The following NPIPB2 variants were observed in gnomAD, a reference collection of about 807,000 sequenced individuals.
The protein encoded by NPIPB2 is nuclear pore complex-interacting protein family member B2.
A neutral mutation model predicts 30.8 loss-of-function variants in NPIPB2; 27 were observed. That is an observed-to-expected ratio of 0.88 (90% CI 0.65 to 1.21). NPIPB2 has a LOEUF of 1.21. Ranked by LOEUF, NPIPB2 falls within the 50% of genes most tolerant of loss-of-function variation. The pLI is 0.00. For missense variants in NPIPB2, 440 were observed against 446.2 expected (o/e 0.99, Z 0.13); for synonymous variants, 147 against 162.0 (o/e 0.91, Z 0.70).
upstream of NPIPB2, among the ~76,000 whole-genome samples, chr16:11,945,789 T>C (rs1351432707): frequency 6.6e-6 from 1 of 152,054 alleles, no homozygotes; most frequent in Non-Finnish European, 1.5e-5. Context: ...CTCTCCTCCT[T>C]CTATTCAGCC....
At chr16:11,973,298 G>A (rs1002882987) in intron 1 of NPIPB2, among the ~76,000 whole-genome samples, 3 of 151,996 alleles carry the variant, frequency 2.0e-5, no homozygotes, top group Non-Finnish European at 2.9e-5. Flanking sequence ...GAGTGCCCTT[G>A]GCCAAGAGGC....
intron 1 of NPIPB2, among the ~76,000 whole-genome samples, chr16:11,965,885 G>A (rs1394144728): frequency 6.6e-6 from 1 of 152,172 alleles, no homozygotes; most frequent in Non-Finnish European, 1.5e-5. Context: ...CGAGGTGGGT[G>A]AATCACCTGA....
At position 11,937,685 on chromosome 16, in the gene NPIPB2, T is replaced by C. The variant is rs767516470; in HGVS notation, c.64-17A>G. The C allele has an allele frequency of 1.3e-6, 2 of 1,597,642 alleles. No individual in the cohort carries two copies. Among genetic ancestry groups the C allele is most frequent in the Non-Finnish European group, 1.7e-6 (2 of 1,178,722 alleles). On this transcript the variant is annotated splice_polypyrimidine_tract_variant and intron_variant, in intron 1 of 7. Coordinates refer to ENST00000399147, the Ensembl canonical transcript of NPIPB2. ...ATTGATAACCTGGAATAATAATAGT[T>C]GAAATAATGAAAAGGTCAATGACAC... is the stretch of plus-strand genomic sequence containing the variant.
intron 1 of NPIPB2, chr16:11,965,244 T>A (rs1481473071): frequency 6.4e-7 from 1 of 1,569,084 alleles, no homozygotes; most frequent in East Asian, 2.3e-5. Flanking sequence ...CTTGCTGCAT[T>A]TGCTCTGGAA....
At chr16:11,961,465 T>G (rs1358747447) in intron 1 of NPIPB2, among the ~76,000 whole-genome samples, 1 of 152,174 alleles carries the variant, frequency 6.6e-6, no homozygotes, top group African/African-American at 2.4e-5. Context: ...GATTTTAGCA[T>G]TTATTATGGA....
intron 1 of NPIPB2, among the ~76,000 whole-genome samples, chr16:11,969,100 C>T (rs1392329998): frequency 6.6e-6 from 1 of 151,924 alleles, no homozygotes; most frequent in East Asian, 1.9e-4. Context: ...CTCCTGACCT[C>T]AGGTGATTCA....
intron 1 of NPIPB2, among the ~76,000 whole-genome samples, chr16:11,962,368 G>A (rs368699391): frequency 2.0e-5 from 3 of 151,786 alleles, no homozygotes; most frequent in African/African-American, 7.3e-5. Context: ...GCATGGTGGC[G>A]CATGCCTGTA....
upstream of NPIPB2, among the ~76,000 whole-genome samples, chr16:11,944,756 A>AC (rs2054986430): frequency 6.6e-6 from 1 of 150,604 alleles, no homozygotes; most frequent in African/African-American, 2.4e-5. Context: ...AAAAAAAAAA[A>AC]AAAACTGGAA....
At chr16:11,976,381 G>T (rs545552881) in intron 1 of NPIPB2, among the ~76,000 whole-genome samples, 57 of 152,336 alleles carry the variant, frequency 3.7e-4, no homozygotes, top group African/African-American at 1.3e-3. Context: ...CCTTAGAGAG[G>T]CCCTCCGGGA....
chr16:11,947,322 T>TTATATATATA lies in NPIPB2; in HGVS notation c.-583-5218_-583-5209dup, dbSNP rs1555509075. ...TTTATTTATTTATTTATTTATTTAT[T>TTATATATATA]TATATATATATATATTTATTTATTT... On this transcript the variant is annotated intron_variant, in intron 1 of 5. Transcript: ENST00000538896. Among the ~76,000 whole-genome samples, 6 of 119,998 alleles carry TTATATATATA rather than the reference T, an allele frequency of 5.0e-5. No homozygotes were observed. In the South Asian group the frequency reaches 1.2e-3, roughly 23 times the overall value. 78.7% of individuals were successfully genotyped at this position (119,998 alleles called of 152,430 possible).
At chr16:11,965,456 T>C (rs2055186072) in intron 1 of NPIPB2, 2 of 1,613,808 alleles carry the variant, frequency 1.2e-6, no homozygotes, top group Non-Finnish European at 8.5e-7. Flanking sequence ...GTAATGCAAG[T>C]AAGTAATATT....
intron 4 of NPIPB2, among the ~76,000 whole-genome samples, chr16:11,932,924 C>T (rs895654767): frequency 6.7e-6 from 1 of 149,274 alleles, no homozygotes; most frequent in African/African-American, 2.5e-5. Context: ...CACCATAGCA[C>T]TCCAGCCTGG....
chr16:11,963,334 C>T (rs1158215980), intron 1 of NPIPB2, among the ~76,000 whole-genome samples: 3 of 149,580 alleles, frequency 2.0e-5, no homozygotes, highest in East Asian at 3.9e-4. Context: ...GAGCCGAGAT[C>T]GCGCCATTGC....
chr16:11,947,893 G>C (rs1243973185), intron 1 of NPIPB2, among the ~76,000 whole-genome samples: 1 of 150,734 alleles, frequency 6.6e-6, no homozygotes, highest in African/African-American at 2.4e-5. Context: ...TGAAGCATGT[G>C]GGCTGTGGGT....
At chr16:11,951,853 C>A (rs960076353) in intron 1 of NPIPB2, among the ~76,000 whole-genome samples, 1 of 150,022 alleles carries the variant, frequency 6.7e-6, no homozygotes, top group African/African-American at 2.5e-5. Flanking sequence ...GGTTGAAACC[C>A]CGTCTCTACT....
At chr16:11,958,798 G>GT (rs2055133956) in intron 1 of NPIPB2, among the ~76,000 whole-genome samples, 1 of 152,118 alleles carries the variant, frequency 6.6e-6, no homozygotes. Context: ...TAAAGAGGTG[G>GT]TAACAATCAG....
At chr16:11,930,262 T>G (rs1023790549) in intron 5 of NPIPB2, among the ~76,000 whole-genome samples, 188 bp downstream of exon 5, 7 of 128,140 alleles carry the variant, frequency 5.5e-5, no homozygotes, top group Admixed American at 1.7e-4. Flanking sequence ...ACTTCACATC[T>G]TTTGGTCACT....
chr16:11,943,827 T>C (rs1027217888), upstream of NPIPB2, among the ~76,000 whole-genome samples: 1 of 149,502 alleles, frequency 6.7e-6, no homozygotes, highest in African/African-American at 2.5e-5. Context: ...TGAAACCCCG[T>C]CTCTACTAAA....
At chr16:11,946,153 G>T (rs1225533989), upstream of NPIPB2, among the ~76,000 whole-genome samples, 1 of 151,956 alleles carries the variant, frequency 6.6e-6, no homozygotes, top group Non-Finnish European at 1.5e-5. Context: ...TGGGAGGCCA[G>T]AGCGGGCAGA....
Sources: allele counts gnomAD v4.1 joint callset (sites outside exome capture counted in the v4.1 genomes callset), GRCh38; gene constraint gnomAD v4.1.1; transcripts MANE v1.5; gene names NCBI Gene and HGNC (gene_info 2026-07-23, HGNC 2026-07-21).